SCP2: variants seen among roughly 807,000 people sequenced by gnomAD.
SCP2 encodes SCP-2/3-oxoacyl-CoA thiolase.
In SCP2, 48 loss-of-function variants were observed where a neutral mutation model predicts 71.4. That is an observed-to-expected ratio of 0.67 (90% confidence interval 0.53 to 0.86). The LOEUF is 0.86. Ranked by LOEUF, SCP2 falls within the 40% of genes least tolerant of loss-of-function variation. The pLI, the probability that SCP2 is intolerant of heterozygous loss-of-function variation, is 0.00. For synonymous variants in SCP2, 220 were observed against 218.1 expected (o/e 1.01, Z -0.08); for missense variants, 560 against 655.6 (o/e 0.85, Z 1.59).
chr1:52,958,897 G>T (rs1053105182), intron 5 of SCP2, among the ~76,000 whole-genome samples: 1 of 151,826 alleles, frequency 6.6e-6, no homozygotes, highest in South Asian at 2.1e-4. Context: ...GTTTATGTCC[G>T]CAAGGGTGTT....
At chr1:53,001,531 T>A (rs551295887) in intron 11 of SCP2, among the ~76,000 whole-genome samples, 3 of 152,358 alleles carry the variant, frequency 2.0e-5, no homozygotes, top group South Asian at 2.1e-4. Context: ...TCAATTTTCA[T>A]ATCGATTTTT....
At chr1:53,040,582 G>A (rs540903864) in intron 14 of SCP2, among the ~76,000 whole-genome samples, 14 of 152,144 alleles carry the variant, frequency 9.2e-5, no homozygotes, top group Admixed American at 3.9e-4. Context: ...TTAGCCAGGC[G>A]TAGTGGCGGG....
At chr1:53,005,003 C>T (rs1023496792) in intron 11 of SCP2, among the ~76,000 whole-genome samples, 21 of 152,208 alleles carry the variant, frequency 1.4e-4, no homozygotes, top group African/African-American at 5.1e-4. Context: ...GAGGGTCCCA[C>T]ACCCATGGAG....
intron 11 of SCP2, among the ~76,000 whole-genome samples, chr1:52,991,314 A>G (rs926699939): frequency 3.3e-5 from 5 of 152,170 alleles, no homozygotes; most frequent in African/African-American, 1.2e-4. Flanking sequence ...TCCCTTCCCA[A>G]CTACAAAAGG....
intron 1 of SCP2, among the ~76,000 whole-genome samples, chr1:52,941,500 G>T (rs1654233847): frequency 6.6e-6 from 1 of 152,000 alleles, no homozygotes; most frequent in South Asian, 2.1e-4. Context: ...ACTTTGGGAG[G>T]CCGAGGCAGG....
intron 10 of SCP2, among the ~76,000 whole-genome samples, chr1:52,981,303 A>G (rs964660400): frequency 6.6e-6 from 1 of 152,246 alleles, no homozygotes; most frequent in Non-Finnish European, 1.5e-5. Context: ...ACCTGTGCTG[A>G]TAATGACAGC....
At chr1:53,028,719 T>TTTC (rs1662309436) in intron 13 of SCP2, among the ~76,000 whole-genome samples, 1 of 150,312 alleles carries the variant, frequency 6.7e-6, no homozygotes, top group African/African-American at 2.5e-5. Flanking sequence ...TTCAGACATC[T>TTTC]TTCTCTGTGT....
chr1:53,040,186 A>G (rs1466706576), intron 14 of SCP2, among the ~76,000 whole-genome samples: 3 of 152,210 alleles, frequency 2.0e-5, no homozygotes, highest in Non-Finnish European at 4.4e-5. Flanking sequence ...TGCCAGAGTG[A>G]TCATTGAAAA....
chr1:52,992,993 A>G (rs1409496918), intron 11 of SCP2, among the ~76,000 whole-genome samples: 1 of 152,228 alleles, frequency 6.6e-6, no homozygotes, highest in African/African-American at 2.4e-5. Flanking sequence ...TAATCTTTGA[A>G]GCAGCCTTAG....
chr1:52,967,805 A>T (rs558096180), intron 6 of SCP2, among the ~76,000 whole-genome samples: 3 of 152,282 alleles, frequency 2.0e-5, no homozygotes, highest in South Asian at 2.1e-4. Context: ...TCACAGGTAC[A>T]CACAATTGCT....
At chr1:52,990,648 G>A (rs973554070) in intron 11 of SCP2, among the ~76,000 whole-genome samples, 1 of 147,412 alleles carries the variant, frequency 6.8e-6, no homozygotes, top group African/African-American at 2.5e-5. Context: ...GCAGGAGAAT[G>A]GCGTGAACCC....
chr1:53,037,294 G>A (rs1410749108), intron 13 of SCP2, among the ~76,000 whole-genome samples: 2 of 152,028 alleles, frequency 1.3e-5, no homozygotes, highest in East Asian at 3.9e-4. Flanking sequence ...TAAACAAGGT[G>A]TGTGAGTTTG....
At chr1:53,007,252 G>T (rs12062839) in intron 11 of SCP2, among the ~76,000 whole-genome samples, 1,870 of 152,240 alleles carry the variant, frequency 0.012, 46 homozygotes, top group African/African-American at 0.042. Flanking sequence ...TCCAGGACTT[G>T]AACTCAGCTC....
intron 1 of SCP2, among the ~76,000 whole-genome samples, chr1:52,929,728 T>C (rs1427667629): frequency 6.6e-6 from 1 of 152,184 alleles, no homozygotes; most frequent in Non-Finnish European, 1.5e-5. Flanking sequence ...ATTCACGCCA[T>C]TCTCCTGCCT....
intron 11 of SCP2, among the ~76,000 whole-genome samples, chr1:53,006,217 C>T (rs902680643): frequency 2.6e-5 from 4 of 152,142 alleles, no homozygotes; most frequent in African/African-American, 4.8e-5. Context: ...AGGATATTAT[C>T]CAGGAGAACT....
At chr1:52,980,226 A>G (rs1289876047) in intron 9 of SCP2, among the ~76,000 whole-genome samples, 170 bp from the exon 10 acceptor site, 5 of 152,202 alleles carry the variant, frequency 3.3e-5, no homozygotes, top group Non-Finnish European at 7.3e-5. Context: ...CTCCTGCCTC[A>G]GCTTCCCAAA....
intron 11 of SCP2, among the ~76,000 whole-genome samples, chr1:53,003,577 A>C (rs943272223): frequency 6.6e-6 from 1 of 152,062 alleles, no homozygotes; most frequent in Non-Finnish European, 1.5e-5. Flanking sequence ...CAGTGCAAAC[A>C]TGGTGCAAAC....
chr1:52,946,402 T>G (rs1224898493), intron 2 of SCP2, among the ~76,000 whole-genome samples: 1 of 151,076 alleles, frequency 6.6e-6, no homozygotes, highest in African/African-American at 2.4e-5. Context: ...CTAATTTTTA[T>G]TTTTTGTAGA....
chr1:52,996,077 C>T, intron 11 of SCP2: 1 of 888,914 alleles, frequency 1.1e-6, no homozygotes, highest in Non-Finnish European at 1.5e-6. Flanking sequence ...CCATCTTACT[C>T]ACCTGCCCCT....
Sources: allele counts gnomAD v4.1 joint callset (sites outside exome capture counted in the v4.1 genomes callset), GRCh38; gene constraint gnomAD v4.1.1; transcripts MANE v1.5; gene names NCBI Gene and HGNC (gene_info 2026-07-23, HGNC 2026-07-21).